Variants in NAA11 observed in about 807,000 individuals in gnomAD.
The protein encoded by NAA11 is N-alpha-acetyltransferase 11, NatA catalytic subunit, also known as N-alpha-acetyltransferase 11.
NAA11 carries 15 observed loss-of-function variants against 16.1 expected under a neutral mutation model. That is an observed-to-expected ratio of 0.93 (90% CI 0.62 to 1.44). The LOEUF (loss-of-function observed/expected upper bound fraction) is 1.44, where lower values mean the gene tolerates loss of function less well. Ranked by LOEUF, NAA11 falls within the 40% of genes most tolerant of loss-of-function variation. The pLI is 0.00. For missense variants in NAA11, 298 were observed against 291.3 expected (o/e 1.02, Z -0.17); for synonymous variants, 122 against 112.4 (o/e 1.09, Z -0.54).
At chr4:79,222,664 A>G, downstream of NAA11, among the ~76,000 whole-genome samples, 1 of 144,892 alleles carries the variant, frequency 6.9e-6, no homozygotes, top group Non-Finnish European at 1.5e-5. Flanking sequence ...TAAACTAAAG[A>G]GCTTCTGCAC....
At chr4:79,210,239 T>TA in the NAA11 span, among the ~76,000 whole-genome samples, 1 of 151,936 alleles carries the variant, frequency 6.6e-6, no homozygotes, top group Non-Finnish European at 1.5e-5. Flanking sequence ...AAGTTACAGT[T>TA]AGGGGACGTT....
At chr4:79,295,424 A>G (rs983402305) in intron 1 of NAA11, among the ~76,000 whole-genome samples, 1 of 152,216 alleles carries the variant, frequency 6.6e-6, no homozygotes, top group Non-Finnish European at 1.5e-5. Context: ...TTAGGTTGAT[A>G]AATAGAAACA....
At chr4:79,284,558 A>G (rs1458024988) in intron 2 of NAA11, among the ~76,000 whole-genome samples, 2 of 152,114 alleles carry the variant, frequency 1.3e-5, no homozygotes, top group Non-Finnish European at 2.9e-5. Context: ...TGTTTCTTGA[A>G]GAATGATTGA....
the NAA11 span, among the ~76,000 whole-genome samples, chr4:79,163,883 C>G: frequency 6.6e-6 from 1 of 152,146 alleles, no homozygotes; most frequent in African/African-American, 2.4e-5. Flanking sequence ...AGGGCCAGAG[C>G]TATAATCTAT....
chr4:79,254,152 G>A (rs1722051819), intron 2 of NAA11, among the ~76,000 whole-genome samples: 1 of 152,224 alleles, frequency 6.6e-6, no homozygotes, highest in African/African-American at 2.4e-5. Context: ...ACTCACTCCA[G>A]CAAGATTAAT....
chr4:79,274,464 TAA>T (rs1457701203), intron 2 of NAA11, among the ~76,000 whole-genome samples: 1 of 152,088 alleles, frequency 6.6e-6, no homozygotes, highest in African/African-American at 2.4e-5. Context: ...CATCCCAGTA[TAA>T]AAAGTTACTT....
chr4:79,187,581 A>AT, the NAA11 span, among the ~76,000 whole-genome samples: 1 of 152,202 alleles, frequency 6.6e-6, no homozygotes, highest in Non-Finnish European at 1.5e-5. Context: ...CAACTGTGTC[A>AT]TTTGATGGCA....
the NAA11 span, among the ~76,000 whole-genome samples, chr4:79,201,025 A>G: frequency 6.6e-6 from 1 of 151,674 alleles, no homozygotes; most frequent in African/African-American, 2.4e-5. Flanking sequence ...TTTATACCAT[A>G]TATAGCGTTT....
At chr4:79,254,144 T>A (rs375500715) in intron 2 of NAA11, among the ~76,000 whole-genome samples, 3 of 152,246 alleles carry the variant, frequency 2.0e-5, no homozygotes, top group African/African-American at 7.2e-5. Flanking sequence ...TAGAGCTGAC[T>A]CACTCCAGCA....
At chr4:79,198,163 A>C in the NAA11 span, among the ~76,000 whole-genome samples, 1 of 151,908 alleles carries the variant, frequency 6.6e-6, no homozygotes, top group Non-Finnish European at 1.5e-5. Flanking sequence ...AAACCTGTTT[A>C]AGAGAGTGAG....
chr4:79,251,639 A>T (rs75173602), intron 2 of NAA11, among the ~76,000 whole-genome samples: 26 of 17,668 alleles, frequency 1.5e-3, no homozygotes, highest in Admixed American at 0.014. Context: ...AAGTGAATTA[A>T]AAAAAAAAAC....
At chr4:79,297,358 G>T (rs1263258060) in intron 1 of NAA11, among the ~76,000 whole-genome samples, 1 of 152,178 alleles carries the variant, frequency 6.6e-6, no homozygotes. Context: ...CCTCAGCGAG[G>T]ACCTGGAGCC....
chr4:79,315,307 C>T (rs1723894818), downstream of NAA11, among the ~76,000 whole-genome samples: 1 of 152,154 alleles, frequency 6.6e-6, no homozygotes, highest in South Asian at 2.1e-4. Flanking sequence ...TCTAAATTTT[C>T]CTGGCTGTGG....
chr4:79,232,716 C>A (rs959019914), intron 2 of NAA11, among the ~76,000 whole-genome samples: 9 of 151,884 alleles, frequency 5.9e-5, no homozygotes, highest in Admixed American at 5.9e-4. Context: ...GTTAAAGAGA[C>A]CTTTGTATAA....
chr4:79,314,215 G>A (rs79216215), downstream of NAA11, among the ~76,000 whole-genome samples: 82 of 152,208 alleles, frequency 5.4e-4, no homozygotes, highest in African/African-American at 1.8e-3. Context: ...ACAGAAAGTT[G>A]AGCAGAGTTC....
chr4:79,238,668 G>T (rs572861690), intron 2 of NAA11, among the ~76,000 whole-genome samples: 1 of 152,208 alleles, frequency 6.6e-6, no homozygotes, highest in Admixed American at 6.5e-5. Flanking sequence ...TAGGGAAAAA[G>T]GAACACAAAT....
downstream of NAA11, among the ~76,000 whole-genome samples, chr4:79,313,008 T>C (rs1304086038): frequency 6.6e-6 from 1 of 152,252 alleles, no homozygotes; most frequent in Non-Finnish European, 1.5e-5. Context: ...TGGCTTGCTA[T>C]ATTTACAGGA....
the NAA11 span, among the ~76,000 whole-genome samples, chr4:79,164,034 A>G: frequency 6.6e-6 from 1 of 151,428 alleles, no homozygotes; most frequent in Non-Finnish European, 1.5e-5. Context: ...CTCTTTGCTG[A>G]TATTACCTCT....
chr4:79,275,853 G>A (rs867733795), intron 2 of NAA11, among the ~76,000 whole-genome samples: 9 of 152,116 alleles, frequency 5.9e-5, no homozygotes, highest in African/African-American at 1.2e-4. Flanking sequence ...AAGCAACATC[G>A]TAAATGCCAG....
Sources: allele counts gnomAD v4.1 joint callset (sites outside exome capture counted in the v4.1 genomes callset), GRCh38; gene constraint gnomAD v4.1.1; transcripts MANE v1.5; gene names NCBI Gene and HGNC (gene_info 2026-07-23, HGNC 2026-07-21).